The following SH3RF1 variants were observed in gnomAD, a reference collection of about 807,000 sequenced individuals.
The protein encoded by SH3RF1 is E3 ubiquitin-protein ligase SH3RF1.
SH3RF1 carries 32 observed loss-of-function variants against 74.0 expected under a neutral mutation model. That is an observed-to-expected ratio of 0.43 (90% CI 0.33 to 0.58). SH3RF1 has a LOEUF of 0.58. SH3RF1 is among the 20% of genes least tolerant of loss of function. SH3RF1 has a pLI of 0.05. For missense variants in SH3RF1, 954 were observed against 1,130.9 expected (o/e 0.84, Z 2.24); for synonymous variants, 396 against 439.6 (o/e 0.90, Z 1.24).
intron 2 of SH3RF1, among the ~76,000 whole-genome samples, chr4:169,175,959 C>T (rs1473310311): frequency 6.6e-6 from 1 of 152,122 alleles, no homozygotes; most frequent in Non-Finnish European, 1.5e-5. Flanking sequence ...GTGGAGGTCC[C>T]ATGATGGGAT....
intron 2 of SH3RF1, among the ~76,000 whole-genome samples, chr4:169,183,362 C>G (rs112555385): frequency 0.053 from 8,089 of 152,224 alleles, 288 homozygotes; most frequent in South Asian, 0.19. Flanking sequence ...CTCACTGCAA[C>G]CTCCGCCTCC....
intron 2 of SH3RF1, 38 bp downstream of exon 2, chr4:169,268,782 C>A: frequency 1.3e-6 from 2 of 1,517,518 alleles, no homozygotes; most frequent in South Asian, 1.3e-5. Context: ...TGGACATTAC[C>A]ACCTTTATTC....
intron 4 of SH3RF1, among the ~76,000 whole-genome samples, chr4:169,149,313 C>T (rs753550131): frequency 4.6e-5 from 7 of 152,146 alleles, no homozygotes; most frequent in Non-Finnish European, 1.0e-4. Context: ...TCAGAGGAGA[C>T]CTGCTTTTGC....
chr4:169,238,133 A>T (rs1730849093), intron 2 of SH3RF1, among the ~76,000 whole-genome samples: 1 of 152,064 alleles, frequency 6.6e-6, no homozygotes, highest in Non-Finnish European at 1.5e-5. Flanking sequence ...TCTGCCTCCT[A>T]CTGTAATACT....
intron 2 of SH3RF1, among the ~76,000 whole-genome samples, chr4:169,267,967 A>G (rs1731381252): frequency 6.6e-6 from 1 of 152,094 alleles, no homozygotes; most frequent in Non-Finnish European, 1.5e-5. Flanking sequence ...ACTACTTTTT[A>G]TTTTTGCAAA....
At chr4:169,215,508 T>C (rs1272330852) in intron 2 of SH3RF1, among the ~76,000 whole-genome samples, 1 of 152,222 alleles carries the variant, frequency 6.6e-6, no homozygotes. Flanking sequence ...TGAAAGAGAC[T>C]GTAGAGAGTT....
intron 2 of SH3RF1, among the ~76,000 whole-genome samples, chr4:169,169,849 T>C (rs1164372156): frequency 6.6e-6 from 1 of 152,138 alleles, no homozygotes; most frequent in Non-Finnish European, 1.5e-5. Context: ...TGTCGTAGCC[T>C]CCTGAATAGC....
intron 9 of SH3RF1, 130 bp downstream of exon 9, chr4:169,117,393 G>C: frequency 7.4e-7 from 1 of 1,352,352 alleles, no homozygotes. Flanking sequence ...AGGTGCCACT[G>C]AGTAGACTTT....
At chr4:169,128,942 A>G (rs1047890372) in intron 6 of SH3RF1, among the ~76,000 whole-genome samples, 1 of 152,214 alleles carries the variant, frequency 6.6e-6, no homozygotes, top group Non-Finnish European at 1.5e-5. Flanking sequence ...ATCCCTTTCT[A>G]TGATCTAACT....
intron 2 of SH3RF1, among the ~76,000 whole-genome samples, chr4:169,249,511 C>T (rs1253622656): frequency 6.6e-6 from 1 of 152,154 alleles, no homozygotes; most frequent in Admixed American, 6.5e-5. Context: ...TACAAATTTC[C>T]CAGTCTCTAG....
chr4:169,101,106 C>T (rs548468541), intron 11 of SH3RF1, among the ~76,000 whole-genome samples: 6 of 152,278 alleles, frequency 3.9e-5, no homozygotes, highest in East Asian at 1.9e-4. Context: ...GTGTCCGTCT[C>T]GTTTATTCTA....
At chr4:169,133,797 A>C (rs6820919) in intron 5 of SH3RF1, among the ~76,000 whole-genome samples, 30,545 of 152,064 alleles carry the variant, frequency 0.2, 3,243 homozygotes, top group African/African-American at 0.28. Context: ...AAGAAAAGGA[A>C]AGGAAATTGT....
Position 169,151,517 on chromosome 4 carries a change from C to G in SH3RF1, c.765+3963G>C, listed in dbSNP as rs921165814. ...GTCCAAGCTTTCTCCCACTATGGCA[C>G]CAGTATGTGTTTGGGGTACAGCAAG... On this transcript the variant is annotated intron_variant, in intron 4 of 11. Transcript: ENST00000284637. Among the ~76,000 whole-genome samples, 6 of 152,086 alleles carry G rather than the reference C, an allele frequency of 3.9e-5. 1 individual carries two copies. Among genetic ancestry groups the G allele is most frequent in the Non-Finnish European group, 5.9e-5 (4 of 68,018 alleles).
chr4:169,102,503 C>T (rs1733056885), intron 11 of SH3RF1, among the ~76,000 whole-genome samples: 1 of 151,900 alleles, frequency 6.6e-6, no homozygotes, highest in African/African-American at 2.4e-5. Flanking sequence ...CTGTGTCTCC[C>T]TGAACTCTTT....
rs775697362 is a variant in SH3RF1, at chr4:169,121,008, T to C, written c.1347-19A>G. The stretch of plus-strand genomic sequence containing the variant: ...AACATACCTAGAATAGAAAATAATA[T>C]TTGATTTCAGGTTGAGTAACAGACA... On this transcript the variant is annotated intron_variant, in intron 7 of 11. Transcript: ENST00000284637. The C allele has an allele frequency of 1.2e-6, 2 of 1,603,206 alleles. No individual in the cohort carries two copies. The highest frequency in any genetic ancestry group is 1.1e-5 in the South Asian group (1 of 90,762).
intron 2 of SH3RF1, among the ~76,000 whole-genome samples, chr4:169,237,401 G>C (rs1190657185): frequency 6.6e-6 from 1 of 152,218 alleles, no homozygotes; most frequent in African/African-American, 2.4e-5. Context: ...AACACTTCGG[G>C]AGGTGGAAGT....
intron 2 of SH3RF1, among the ~76,000 whole-genome samples, chr4:169,193,008 A>G (rs112257921): frequency 0.11 from 17,163 of 151,818 alleles, 1,005 homozygotes; most frequent in Middle Eastern, 0.16. Flanking sequence ...ACTGGATACT[A>G]TTATTCTAAG....
intron 8 of SH3RF1, among the ~76,000 whole-genome samples, chr4:169,120,278 G>A (rs1237061931): frequency 1.6e-4 from 25 of 152,150 alleles, no homozygotes; most frequent in Non-Finnish European, 2.9e-5. Flanking sequence ...AGAATTCAGA[G>A]GTAATTACCA....
chr4:169,126,943 A>G (rs781584115), intron 6 of SH3RF1, among the ~76,000 whole-genome samples: 10 of 152,192 alleles, frequency 6.6e-5, no homozygotes, highest in Admixed American at 3.9e-4. Flanking sequence ...CATGAGTGGT[A>G]TTTACCTTTA....
Sources: allele counts gnomAD v4.1 joint callset (sites outside exome capture counted in the v4.1 genomes callset), GRCh38; gene constraint gnomAD v4.1.1; transcripts MANE v1.5; gene names NCBI Gene and HGNC (gene_info 2026-07-23, HGNC 2026-07-21).